The following NSG2 variants were observed in gnomAD, a reference collection of about 807,000 sequenced individuals.
NSG2 encodes neuronal vesicle trafficking-associated protein 2.
A neutral mutation model predicts 16.9 loss-of-function variants in NSG2; 4 were observed. The observed-to-expected ratio is 0.24, with a 90% CI of 0.12 to 0.54. NSG2 has a LOEUF of 0.54. Ranked by LOEUF, NSG2 falls within the 20% of genes least tolerant of loss-of-function variation. NSG2 has a pLI of 0.95. For synonymous variants in NSG2, 98 were observed against 88.7 expected, an observed-to-expected ratio of 1.11 and a Z score of -0.59; for missense variants, 179 against 221.1, an observed-to-expected ratio of 0.81 and a Z score of 1.21.
intron 3 of NSG2, among the ~76,000 whole-genome samples, chr5:174,066,714 G>A (rs1373447627): frequency 6.6e-6 from 1 of 151,994 alleles, no homozygotes; most frequent in Non-Finnish European, 1.5e-5. Context: ...CAGAGTGTTA[G>A]GCATTTTTAA....
intron 3 of NSG2, among the ~76,000 whole-genome samples, chr5:174,103,984 CAAAT>C (rs1259679179): frequency 1.3e-5 from 2 of 151,866 alleles, no homozygotes; most frequent in African/African-American, 4.8e-5. Context: ...CAAAAACAAA[CAAAT>C]AAACAACAAC....
rs557702463 is a variant in NSG2, at chr5:174,049,135, C to G, written c.129+2251C>G. The stretch of plus-strand genomic sequence containing the variant: ...CGGGCGGATCACAAGGTCAGGAGAT[C>G]GAGACCATCCTGGCGAACACGGTGA... On this transcript the variant is annotated intron_variant, in intron 2 of 4. Coordinates refer to ENST00000303177, the MANE Select transcript of NSG2 (RefSeq NM_015980.5). 1.3e-4 allele frequency among the ~76,000 whole-genome samples: 19 copies of G among 151,996 alleles called. No individual in the cohort carries two copies. The East Asian group carries it at 3.5e-3, about 28-fold the overall frequency.
chr5:174,073,327 T>C (rs1235830224), intron 3 of NSG2, among the ~76,000 whole-genome samples: 3 of 152,212 alleles, frequency 2.0e-5, no homozygotes, highest in Non-Finnish European at 4.4e-5. Context: ...TTTACTTTAT[T>C]ATCTGTTGTC....
At chr5:174,106,725 G>T (rs1378436720) in intron 4 of NSG2, among the ~76,000 whole-genome samples, 1 of 150,888 alleles carries the variant, frequency 6.6e-6, no homozygotes, top group East Asian at 2.0e-4. Flanking sequence ...CTCCTGAGTA[G>T]CTGGGATTAC....
At chr5:174,061,043 A>T in intron 2 of NSG2, among the ~76,000 whole-genome samples, 1 of 152,156 alleles carries the variant, frequency 6.6e-6, no homozygotes, top group East Asian at 1.9e-4. Flanking sequence ...TGCCTACCCC[A>T]AAAAGCAATT....
intron 3 of NSG2, among the ~76,000 whole-genome samples, chr5:174,096,497 A>T (rs967355033): frequency 6.6e-6 from 1 of 152,064 alleles, no homozygotes; most frequent in Admixed American, 6.5e-5. Flanking sequence ...AAGGGAATGG[A>T]GGTTAAATCC....
At chr5:174,064,927 A>G (rs569626886) in intron 3 of NSG2, among the ~76,000 whole-genome samples, 52 of 152,340 alleles carry the variant, frequency 3.4e-4, no homozygotes, top group African/African-American at 1.2e-3. Flanking sequence ...AAGCAGGTAC[A>G]AGGTGCTTGC....
At chr5:174,085,754 GA>G (rs1760602014) in intron 3 of NSG2, among the ~76,000 whole-genome samples, 1 of 152,206 alleles carries the variant, frequency 6.6e-6, no homozygotes, top group African/African-American at 2.4e-5. Context: ...GTTTGCGGAT[GA>G]AAGCTCCACA....
chr5:174,062,195 G>GA (rs1356005893), intron 2 of NSG2, among the ~76,000 whole-genome samples: 1 of 152,094 alleles, frequency 6.6e-6, no homozygotes, highest in Non-Finnish European at 1.5e-5. Context: ...TTATAGATGA[G>GA]AAAATCAAGA....
intron 3 of NSG2, among the ~76,000 whole-genome samples, chr5:174,081,070 G>T (rs1760455953): frequency 6.6e-6 from 1 of 151,388 alleles, no homozygotes; most frequent in African/African-American, 2.4e-5. Context: ...TAATAAAAAT[G>T]CTTTTGAATT....
At chr5:174,079,257 C>T (rs151121355) in intron 3 of NSG2, among the ~76,000 whole-genome samples, 3 of 150,590 alleles carry the variant, frequency 2.0e-5, no homozygotes, top group Non-Finnish European at 4.4e-5. Context: ...TTCTCTCTCT[C>T]TCTCTCTTTT....
At chr5:174,080,525 T>TTCTTTCTCTCTCTCTCTCTCTCTCTTTC (rs1554101503) in intron 3 of NSG2, among the ~76,000 whole-genome samples, 2 of 125,290 alleles carry the variant, frequency 1.6e-5, no homozygotes, top group African/African-American at 6.3e-5. Context: ...CTTTCTTTCT[T>TTCTTTCTCTCTCTCTCTCTCTCTCTTTC]TCTCTCTCTC....
At chr5:174,070,900 G>A (rs1760227854) in intron 3 of NSG2, among the ~76,000 whole-genome samples, 1 of 152,348 alleles carries the variant, frequency 6.6e-6, no homozygotes, top group Admixed American at 6.5e-5. Flanking sequence ...GCATGGAGCA[G>A]GCTTTGGGTG....
intron 3 of NSG2, among the ~76,000 whole-genome samples, chr5:174,065,267 G>A (rs1208483618): frequency 6.6e-6 from 1 of 151,570 alleles, no homozygotes; most frequent in Admixed American, 6.6e-5. Flanking sequence ...GGCAGAGCTT[G>A]CAGTGAGCCA....
chr5:174,048,142 A>G (rs1366040325), intron 2 of NSG2, among the ~76,000 whole-genome samples: 1 of 152,268 alleles, frequency 6.6e-6, no homozygotes, highest in African/African-American at 2.4e-5. Context: ...AAGCCTTTAA[A>G]GATAAATTCT....
At chr5:174,099,320 G>A (rs1199508388) in intron 3 of NSG2, among the ~76,000 whole-genome samples, 7 of 152,064 alleles carry the variant, frequency 4.6e-5, no homozygotes, top group African/African-American at 9.7e-5. Flanking sequence ...GGCCTGAGCC[G>A]GCCCTTCCTC....
chr5:174,080,525 T>TTCTCTCTC (rs72447938), intron 3 of NSG2, among the ~76,000 whole-genome samples: 1 of 125,290 alleles, frequency 8.0e-6, no homozygotes, highest in South Asian at 2.7e-4. Context: ...CTTTCTTTCT[T>TTCTCTCTC]TCTCTCTCTC....
intron 2 of NSG2, among the ~76,000 whole-genome samples, chr5:174,058,483 T>A (rs1015975729): frequency 6.7e-6 from 1 of 150,286 alleles, no homozygotes; most frequent in Admixed American, 6.6e-5. Context: ...GTGATGGGAG[T>A]GAGAACATGC....
chr5:174,063,647 C>T (rs1760093076), intron 2 of NSG2, among the ~76,000 whole-genome samples: 1 of 151,188 alleles, frequency 6.6e-6, no homozygotes. Flanking sequence ...TATTTTGATA[C>T]AGGCATGCAA....
Sources: gnomAD v4.1 joint callset for allele counts (sites outside exome capture counted in the v4.1 genomes callset) on GRCh38, gnomAD v4.1.1 for gene constraint, MANE v1.5 for transcripts, NCBI Gene and HGNC (gene_info 2026-07-23, HGNC 2026-07-21) for gene names.